The following COA1 variants were observed in gnomAD, a reference collection of about 807,000 sequenced individuals.
The protein encoded by COA1 is cytochrome c oxidase assembly factor 1 homolog.
Under a neutral mutation model 16.0 loss-of-function variants are expected in COA1, and 13 were observed. The observed-to-expected ratio is 0.81, with a 90% CI of 0.53 to 1.29. The LOEUF is 1.29. Among genes scored for constraint, COA1 ranks in the 50% most tolerant of loss-of-function variants. The pLI is 0.00. For missense variants in COA1, 179 were observed against 177.0 expected (o/e 1.01, Z -0.06); for synonymous variants, 65 against 65.7 (o/e 0.99, Z 0.05).
intron 1 of COA1, among the ~76,000 whole-genome samples, chr7:43,666,353 A>T (rs1255826472): frequency 1.3e-5 from 2 of 152,184 alleles, no homozygotes; most frequent in Non-Finnish European, 2.9e-5. Context: ...GTACCTGCTT[A>T]TTAGGCCCTA....
rs1462597676 is a variant in COA1 at position 43,710,367 on chromosome 7, A to T, written c.-39+19062T>A. Among the ~76,000 whole-genome samples the T allele has an allele frequency of 9.7e-3, 1,017 of 105,344 alleles. 23 individuals are homozygous for T. Among genetic ancestry groups the T allele is most frequent in the African/African-American group, 0.036 (956 of 26,362 alleles). The allele number at this position is 105,344 out of a possible 152,430, so 69.1% of individuals were successfully genotyped here. ...CTGTCTCAAAAAAAAAAAAAAAAAA[A>T]AAAAAAAAATATATATATATATATA... On this transcript the variant is annotated intron_variant, in intron 1 of 5. Coordinates refer to ENST00000223336, the MANE Select transcript of COA1 (RefSeq NM_018224.4).
chr7:43,705,266 C>T (rs1744543231), intron 1 of COA1, among the ~76,000 whole-genome samples: 1 of 152,244 alleles, frequency 6.6e-6, no homozygotes, highest in Admixed American at 6.5e-5. Context: ...CAATAGGCTC[C>T]CACGCACATG....
chr7:43,655,583 A>G (rs995195386), intron 1 of COA1, among the ~76,000 whole-genome samples: 1 of 152,186 alleles, frequency 6.6e-6, no homozygotes, highest in African/African-American at 2.4e-5. Context: ...AATCGTTTGA[A>G]TCCTGGAGTC....
intron 1 of COA1, among the ~76,000 whole-genome samples, chr7:43,696,203 T>C (rs1333699906): frequency 6.6e-6 from 1 of 152,144 alleles, no homozygotes; most frequent in African/African-American, 2.4e-5. Flanking sequence ...TTTCTTCTAA[T>C]TGAAATGAAC....
chr7:43,644,317 C>A (rs577897550), intron 4 of COA1, among the ~76,000 whole-genome samples: 1 of 152,292 alleles, frequency 6.6e-6, no homozygotes, highest in African/African-American at 2.4e-5. Context: ...AATCATTTCT[C>A]AAACCAGAGC....
At chr7:43,643,832 A>G (rs1479604288) in intron 4 of COA1, among the ~76,000 whole-genome samples, 1 of 152,266 alleles carries the variant, frequency 6.6e-6, no homozygotes, top group Admixed American at 6.5e-5. Flanking sequence ...TATTTTAATC[A>G]GAATACCAGA....
chr7:43,695,636 C>T lies in COA1; in HGVS notation c.-39+33793G>A, dbSNP rs893814777. 1.2e-4 allele frequency among the ~76,000 whole-genome samples: 18 copies of T among 152,054 alleles called. 1 individual carries two copies. Among genetic ancestry groups the T allele is most frequent in the South Asian group, 8.3e-4 (4 of 4,828 alleles). On this transcript the variant is annotated intron_variant, in intron 1 of 5. Transcript: ENST00000223336. ...ATAGTGCTTACACTCATTAATACTA[C>T]GGCAAATACAAATTAGAGAAATATG...
intron 2 of COA1, 31 bp from the exon 3 acceptor site, chr7:43,647,665 G>A: frequency 6.5e-7 from 1 of 1,547,348 alleles, no homozygotes; most frequent in Non-Finnish European, 8.9e-7. Flanking sequence ...ATTTATTGTA[G>A]GATTCCCAGT....
rs1554558920 is a variant in COA1, at chr7:43,710,375, AAT to A, written c.-39+19052_-39+19053del. 7.0e-3 allele frequency among the ~76,000 whole-genome samples: 255 copies of A among 36,458 alleles called. 6 individuals carry two copies. Among genetic ancestry groups the A allele is most frequent in the South Asian group, 0.012 (12 of 966 alleles). 23.9% of individuals were successfully genotyped at this position (36,458 alleles called of 152,430 possible). A position where few individuals can be genotyped will look rare whatever the true frequency, so the allele number is the denominator to read the frequency against. Reference sequence around the variant, plus strand: ...AAAAAAAAAAAAAAAAAAAAAAAAAAATATATATATATATATATATTTTTAAG... The same window carrying A: ...AAAAAAAAAAAAAAAAAAAAAAAAAAATATATATATATATATATTTTTAAG... On this transcript the variant is annotated intron_variant, in intron 1 of 5. Transcript: ENST00000223336.
At chr7:43,706,368 C>G (rs1022918757) in intron 1 of COA1, among the ~76,000 whole-genome samples, 2 of 151,622 alleles carry the variant, frequency 1.3e-5, no homozygotes, top group African/African-American at 4.8e-5. Flanking sequence ...AACCCCATCT[C>G]TACAAAAAAA....
At chr7:43,663,667 A>C (rs1483633841) in intron 1 of COA1, among the ~76,000 whole-genome samples, 1 of 28,270 alleles carries the variant, frequency 3.5e-5, no homozygotes, top group Non-Finnish European at 5.3e-5. Flanking sequence ...ACCCTATCTC[A>C]AAAAAAAAAA....
At chr7:43,678,847 T>C (rs533348731) in intron 1 of COA1, among the ~76,000 whole-genome samples, 18 of 152,340 alleles carry the variant, frequency 1.2e-4, no homozygotes, top group African/African-American at 4.3e-4. Context: ...GTAACCATTA[T>C]GGCATTACTG....
chr7:43,696,134 C>T (rs181677025), intron 1 of COA1, among the ~76,000 whole-genome samples: 19 of 152,312 alleles, frequency 1.2e-4, no homozygotes, highest in Admixed American at 1.1e-3. Context: ...CCACCGCACC[C>T]GGCCAGAAAC....
At position 43,718,675 on chromosome 7, in the gene COA1, A is replaced by G. The variant is rs975013923; in HGVS notation, c.-39+10754T>C. Among the ~76,000 whole-genome samples, 37 of 152,266 alleles carry G rather than the reference A, an allele frequency of 2.4e-4. 1 individual carries two copies. In the South Asian group the frequency reaches 2.5e-3, roughly 10 times the overall value. On this transcript the variant is annotated intron_variant, in intron 1 of 5. Transcript: ENST00000223336. ...GTTGTTTCTTAGCAACAATTATCCAATCTTCCTTATTTCATGTCTTTTGCA... is the reference window on the plus strand; with the variant it reads ...GTTGTTTCTTAGCAACAATTATCCAGTCTTCCTTATTTCATGTCTTTTGCA...
chr7:43,692,965 T>C (rs149367530), intron 1 of COA1, among the ~76,000 whole-genome samples: 7 of 152,162 alleles, frequency 4.6e-5, no homozygotes, highest in Admixed American at 2.0e-4. Flanking sequence ...AAAAATAAAT[T>C]ATCTATGTCC....
At chr7:43,664,227 T>G (rs1399307553) in intron 1 of COA1, among the ~76,000 whole-genome samples, 1 of 151,924 alleles carries the variant, frequency 6.6e-6, no homozygotes, top group Admixed American at 6.6e-5. Flanking sequence ...GCAATACTCC[T>G]GCCTCAGTCT....
intron 1 of COA1, among the ~76,000 whole-genome samples, chr7:43,666,014 G>A (rs1304455728): frequency 1.3e-5 from 2 of 152,078 alleles, no homozygotes; most frequent in Non-Finnish European, 2.9e-5. Context: ...CATTGGTGAG[G>A]GAGATCTTCA....
intron 6 of COA1, among the ~76,000 whole-genome samples, chr7:43,620,322 T>G (rs28406682): frequency 1.4e-4 from 21 of 152,194 alleles, no homozygotes; most frequent in African/African-American, 4.8e-4. Flanking sequence ...TTGATGGTCT[T>G]TTTAAGGTAT....
At chr7:43,683,620 C>A (rs151165227) in intron 1 of COA1, among the ~76,000 whole-genome samples, 1 of 151,488 alleles carries the variant, frequency 6.6e-6, no homozygotes, top group Non-Finnish European at 1.5e-5. Flanking sequence ...GGCGACAGAG[C>A]GAGACTCTGT....
Sources: allele counts gnomAD v4.1 joint callset (sites outside exome capture counted in the v4.1 genomes callset), GRCh38; gene constraint gnomAD v4.1.1; transcripts MANE v1.5; gene names NCBI Gene and HGNC (gene_info 2026-07-23, HGNC 2026-07-21).